The following KCTD9 variants were observed in gnomAD, a reference collection of about 807,000 sequenced individuals.
The protein encoded by KCTD9 is BTB/POZ domain-containing protein KCTD9.
Under a neutral mutation model 53.3 loss-of-function variants are expected in KCTD9, and 17 were observed. The observed-to-expected ratio is 0.32, with a 90% confidence interval of 0.22 to 0.48. The LOEUF (loss-of-function observed/expected upper bound fraction) is 0.48, where lower values mean the gene tolerates loss of function less well. Ranked by LOEUF, KCTD9 falls within the 20% of genes least tolerant of loss-of-function variation. The pLI, the probability that KCTD9 is intolerant of heterozygous loss-of-function variation, is 0.99. For missense variants in KCTD9, 179 were observed against 465.5 expected, an observed-to-expected ratio of 0.38 and a Z score of 5.66; for synonymous variants, 128 against 162.7, an observed-to-expected ratio of 0.79 and a Z score of 1.62.
chr8:25,437,847 CAAAAAAAAAAAAAAAAA>C (rs59540797), intron 6 of KCTD9, among the ~76,000 whole-genome samples: 1 of 62,544 alleles, frequency 1.6e-5, no homozygotes, highest in African/African-American at 7.1e-5. Context: ...GACCCTGTCT[CAAAAAAAAAAAAAAAAA>C]AAAAAAAAAA....
chr8:25,446,754 C>G (rs543208672), intron 1 of KCTD9, among the ~76,000 whole-genome samples: 1 of 152,186 alleles, frequency 6.6e-6, no homozygotes, highest in South Asian at 2.1e-4. Flanking sequence ...ATCCTTAGAA[C>G]AGGAGTGTGC....
chr8:25,430,031 T>G, intron 11 of KCTD9, 58 bp from the exon 12 acceptor site: 1 of 958,466 alleles, frequency 1.0e-6, no homozygotes, highest in Non-Finnish European at 1.7e-6. Flanking sequence ...CCTTATCTAT[T>G]TCTGCTCAAA....
rs1801880893 is a variant in KCTD9 at position 25,428,759 on chromosome 8, T to G, written c.*1098A>C. On this transcript the variant is annotated 3_prime_UTR_variant, in exon 12 of 12. Coordinates refer to ENST00000221200, the MANE Select transcript of KCTD9 (RefSeq NM_017634.4). Reference sequence around the variant, plus strand: ...AATGCCTTTATTTTTACGTCTATTTTTTTGGTGGCTGTAATCAAATGTGTG... The same window carrying G: ...AATGCCTTTATTTTTACGTCTATTTGTTTGGTGGCTGTAATCAAATGTGTG... The G allele has an allele frequency of 6.6e-6, 1 of 152,198 alleles. No individual in the cohort carries two copies. The highest frequency in any genetic ancestry group is 2.4e-5 in the African/African-American group (1 of 41,460). The allele number at this position is 152,198 out of a possible 1,614,324, so 9.4% of individuals were successfully genotyped here.
intron 3 of KCTD9, among the ~76,000 whole-genome samples, chr8:25,441,998 T>C (rs1210796962): frequency 2.0e-5 from 3 of 151,938 alleles, no homozygotes; most frequent in East Asian, 3.9e-4. Flanking sequence ...AGTGAGGCCC[T>C]GTCTCAAAAA....
chr8:25,447,077 T>C (rs1802226734), intron 1 of KCTD9, among the ~76,000 whole-genome samples: 1 of 152,204 alleles, frequency 6.6e-6, no homozygotes, highest in Non-Finnish European at 1.5e-5. Flanking sequence ...TTATCAGTTA[T>C]GACCTCTGAA....
chr8:25,458,183 C>G lies in KCTD9; in HGVS notation c.48+16G>C. On this transcript the variant is annotated intron_variant, in intron 1 of 11. Coordinates refer to ENST00000221200, the MANE Select transcript of KCTD9 (RefSeq NM_017634.4). ...CCCGACCCCCGGCCCGCCGCGCCCC[C>G]TCACGCCCCCGTTACCTTTCCGTTC... is the stretch of plus-strand genomic sequence containing the variant. 6.3e-7 allele frequency: 1 copy of G among 1,597,378 alleles called. No individual in the cohort carries two copies. The highest frequency in any genetic ancestry group is 2.3e-4 in the Middle Eastern group (1 of 4,416).
rs1440533136 is a variant in KCTD9 at position 25,455,243 on chromosome 8, A to T, written c.48+2956T>A. ...CCGTCTCAAAAAATAATAATAATAA[A>T]TAATAAATAAATAAATAAAAGTAAA... On this transcript the variant is annotated intron_variant, in intron 1 of 11. Coordinates refer to ENST00000221200, the MANE Select transcript of KCTD9 (RefSeq NM_017634.4). Among the ~76,000 whole-genome samples the T allele has an allele frequency of 5.9e-5, 9 of 151,400 alleles. No homozygotes were observed. The East Asian group carries it at 1.2e-3, about 19-fold the overall frequency.
rs753864866 is a variant in KCTD9 at position 25,449,885 on chromosome 8, G to C, written c.49-3635C>G. Among the ~76,000 whole-genome samples, 4 of 152,040 alleles carry C rather than the reference G, an allele frequency of 2.6e-5. No homozygotes were observed. The South Asian group carries it at 8.3e-4, about 32-fold the overall frequency. On this transcript the variant is annotated intron_variant, in intron 1 of 11. Transcript: ENST00000221200. ...TTCTATTAGGCTTTCCCATGACATA[G>C]GAACCCAAAGTAACAAACTGATGAA...
intron 11 of KCTD9, among the ~76,000 whole-genome samples, chr8:25,431,957 T>A (rs1471480672): frequency 6.6e-6 from 1 of 152,202 alleles, no homozygotes. Context: ...AATAGCTATA[T>A]ATGGGTGGTA....
chr8:25,440,269 G>A (rs1003434967), intron 4 of KCTD9, among the ~76,000 whole-genome samples: 11 of 151,278 alleles, frequency 7.3e-5, no homozygotes, highest in South Asian at 6.3e-4. Flanking sequence ...CATTTTAGCC[G>A]GGATGGTCTC....
intron 1 of KCTD9, among the ~76,000 whole-genome samples, chr8:25,449,477 A>G (rs1280682518): frequency 2.0e-5 from 3 of 152,178 alleles, no homozygotes. Context: ...ACTTAATGTA[A>G]TATTATAGCT....
At chr8:25,452,439 C>G (rs73549278) in intron 1 of KCTD9, among the ~76,000 whole-genome samples, 45 of 152,304 alleles carry the variant, frequency 3.0e-4, no homozygotes, top group African/African-American at 1.0e-3. Flanking sequence ...AACTATGTGT[C>G]TATACCTTAG....
intron 10 of KCTD9, 125 bp from the exon 11 acceptor site, chr8:25,432,762 C>T: frequency 1.3e-6 from 1 of 779,092 alleles, no homozygotes; most frequent in Non-Finnish European, 2.1e-6. Context: ...AATCTTGTCT[C>T]TCAACGAACT....
chr8:25,440,062 T>TA (rs1307496015), intron 4 of KCTD9, among the ~76,000 whole-genome samples: 6 of 149,990 alleles, frequency 4.0e-5, no homozygotes, highest in Non-Finnish European at 8.9e-5. Context: ...AAAGCATGTT[T>TA]TTTTTTTTTT....
chr8:25,435,010 T>G (rs1188616623), intron 9 of KCTD9, among the ~76,000 whole-genome samples: 1 of 152,204 alleles, frequency 6.6e-6, no homozygotes, highest in Non-Finnish European at 1.5e-5. Flanking sequence ...ATTCCAGAAA[T>G]GAGGCTGAAT....
At chr8:25,430,427 T>G (rs946578249) in intron 11 of KCTD9, among the ~76,000 whole-genome samples, 20 of 152,086 alleles carry the variant, frequency 1.3e-4, no homozygotes, top group African/African-American at 4.8e-4. Context: ...GCAGGGGCAT[T>G]AGATTCGCAC....
chr8:25,455,050 A>C (rs1234001992), intron 1 of KCTD9, among the ~76,000 whole-genome samples: 1 of 151,974 alleles, frequency 6.6e-6, no homozygotes, highest in East Asian at 1.9e-4. Flanking sequence ...ACATGGTGAA[A>C]ACCGTCTCTA....
rs986617528 is a variant in KCTD9, at chr8:25,440,673, T to C, written c.215A>G (p.Asp72Gly). 2.5e-6 allele frequency: 4 copies of C among 1,579,336 alleles called. No individual in the cohort carries two copies. In the African/African-American group the frequency reaches 5.4e-5, roughly 21 times the overall value. Reference sequence around the variant, plus strand: ...AGGAGGCTTAGAATCTGTCTGAGGATCTAGAGATGACATGTAGAAAATAAT... The same window carrying C: ...AGGAGGCTTAGAATCTGTCTGAGGACCTAGAGATGACATGTAGAAAATAAT... Reference protein sequence around the residue: ...LFVCEGEPFIDPQTDSKPPEG... With the variant: ...LFVCEGEPFIGPQTDSKPPEG... Residue 72 changes from aspartate (D) to glycine (G), a missense_variant and splice_region_variant, in exon 4 of 12, where the codon GAT (aspartate) becomes GGT (glycine). This residue lies in a region of KCTD9 where 115 missense variants were observed against 250.9 expected (regional missense o/e 0.46). Transcript: ENST00000221200.
At chr8:25,437,845 C>G in intron 6 of KCTD9, among the ~76,000 whole-genome samples, 1 of 59,424 alleles carries the variant, frequency 1.7e-5, no homozygotes, top group African/African-American at 8.3e-5. Context: ...GAGACCCTGT[C>G]TCAAAAAAAA....
Sources: allele counts gnomAD v4.1 joint callset (sites outside exome capture counted in the v4.1 genomes callset), GRCh38; gene constraint gnomAD v4.1.1; regional missense constraint gnomAD v4.1.1; transcripts MANE v1.5; gene names NCBI Gene and HGNC (gene_info 2026-07-23, HGNC 2026-07-21).